Variants in BMP7 observed in about 807,000 individuals in gnomAD.
BMP7 encodes the protein osteogenic protein 1.
A neutral mutation model predicts 41.2 loss-of-function variants in BMP7; 12 were observed. The observed-to-expected ratio is 0.29, with a 90% CI of 0.19 to 0.47. The LOEUF (loss-of-function observed/expected upper bound fraction) is 0.47, where lower values mean the gene tolerates loss of function less well. BMP7 is among the 20% of genes least tolerant of loss of function. The pLI, the probability that BMP7 is intolerant of heterozygous loss-of-function variation, is 0.99. For missense variants in BMP7, 467 were observed against 606.0 expected (o/e 0.77, Z 2.41); for synonymous variants, 248 against 250.0 (o/e 0.99, Z 0.07).
intron 1 of BMP7, among the ~76,000 whole-genome samples, chr20:57,240,541 T>G (rs1276273439): frequency 6.6e-6 from 1 of 152,224 alleles, no homozygotes; most frequent in African/African-American, 2.4e-5. Context: ...TTTTTGGGTA[T>G]TTTCTCAGCA....
intron 1 of BMP7, among the ~76,000 whole-genome samples, chr20:57,235,441 A>G (rs2066043880): frequency 6.6e-6 from 1 of 152,206 alleles, no homozygotes; most frequent in Non-Finnish European, 1.5e-5. Flanking sequence ...GACTGTTTCC[A>G]TGTCAACAAT....
chr20:57,181,901 C>T (rs1600729383), intron 4 of BMP7, among the ~76,000 whole-genome samples: 2 of 152,360 alleles, frequency 1.3e-5, no homozygotes, highest in South Asian at 4.1e-4. Flanking sequence ...CAAGGGCAGT[C>T]GTAACTCCCC....
chr20:57,191,655 G>A (rs942389711), intron 3 of BMP7, among the ~76,000 whole-genome samples: 6 of 150,794 alleles, frequency 4.0e-5, no homozygotes, highest in East Asian at 1.9e-4. Context: ...GCTTGAACCC[G>A]GGAGACAGAG....
intron 2 of BMP7, among the ~76,000 whole-genome samples, chr20:57,223,572 C>T (rs1985241422): frequency 6.6e-6 from 1 of 152,242 alleles, no homozygotes; most frequent in Non-Finnish European, 1.5e-5. Context: ...TGAGCCCCAC[C>T]TCTGCCACTT....
intron 3 of BMP7, among the ~76,000 whole-genome samples, chr20:57,195,376 C>T (rs977875379): frequency 2.0e-5 from 3 of 152,188 alleles, no homozygotes; most frequent in Non-Finnish European, 4.4e-5. Flanking sequence ...CTGGGTGGAC[C>T]AAGGCCCAAG....
rs1983853854 is a variant in BMP7, at chr20:57,173,373, C to T, written c.1036-63G>A. On this transcript the variant is annotated intron_variant, in intron 5 of 6. Coordinates refer to ENST00000395863, the MANE Select transcript of BMP7 (RefSeq NM_001719.3). Reference sequence around the variant, plus strand: ...GGCCTGAGCCACAGCATCCCAACCCCCATGCTGGCCAGAAACCACCACGCC... The same window carrying T: ...GGCCTGAGCCACAGCATCCCAACCCTCATGCTGGCCAGAAACCACCACGCC... 9.3e-6 allele frequency: 14 copies of T among 1,497,940 alleles called. No individual in the cohort carries two copies. The South Asian group carries it at 1.4e-4, about 15-fold the overall frequency. The allele number at this position is 1,497,940 out of a possible 1,614,324, so 92.8% of individuals were successfully genotyped here. A position where few individuals can be genotyped will look rare whatever the true frequency, so the allele number is the denominator to read the frequency against.
intron 3 of BMP7, among the ~76,000 whole-genome samples, chr20:57,185,346 G>A (rs910779535): frequency 8.5e-5 from 13 of 152,172 alleles, no homozygotes; most frequent in East Asian, 3.8e-4. Flanking sequence ...GTGATGTCTC[G>A]AATAACAAGA....
At chr20:57,253,082 C>T (rs539144045) in intron 1 of BMP7, among the ~76,000 whole-genome samples, 9 of 152,224 alleles carry the variant, frequency 5.9e-5, no homozygotes, top group African/African-American at 2.2e-4. Context: ...ATTTCTGGGT[C>T]CCCCACCCCC....
chr20:57,198,987 G>A (rs927374419), intron 3 of BMP7, among the ~76,000 whole-genome samples: 3 of 152,202 alleles, frequency 2.0e-5, no homozygotes, highest in Non-Finnish European at 4.4e-5. Flanking sequence ...TGGTTGCAAG[G>A]TTCAGGTGAC....
In BMP7 at chr20:57,265,777, G is replaced by T; in HGVS notation, c.346C>A (p.Pro116Thr). The stretch of plus-strand genomic sequence containing the variant: ...CTATCTTGCAGGCTGGCCAGAGGGG[G>T]GCCCTGGGTACTGAAGACGGCCTTG... ...PYKAVFSTQG[P>T]PLASLQDSHF... Residue 116 changes from proline (P) to threonine (T), a missense_variant, in exon 1 of 7, where the codon CCC becomes ACC. Pro to Thr is a conservative substitution (Grantham distance 38, BLOSUM62 -1). This residue lies in a region of BMP7 where 407 missense variants were observed against 485.9 expected (regional missense o/e 0.84). Coordinates refer to ENST00000395863, the MANE Select transcript of BMP7 (RefSeq NM_001719.3). 2 of 1,610,796 alleles carry T rather than the reference G, an allele frequency of 1.2e-6. No homozygotes were observed. The highest frequency in any genetic ancestry group is 8.5e-7 in the Non-Finnish European group (1 of 1,178,774).
intron 3 of BMP7, among the ~76,000 whole-genome samples, chr20:57,192,816 T>G (rs1425731357): frequency 1.3e-5 from 2 of 152,100 alleles, no homozygotes; most frequent in East Asian, 3.8e-4. Context: ...ACATATAATG[T>G]TTGCAATACG....
At chr20:57,210,318 C>T (rs894449404) in intron 2 of BMP7, among the ~76,000 whole-genome samples, 2 of 152,198 alleles carry the variant, frequency 1.3e-5, no homozygotes, top group South Asian at 2.1e-4. Context: ...GGGAGCAGGA[C>T]GAGGAACCGC....
At chr20:57,219,517 T>C (rs1270655033) in intron 2 of BMP7, among the ~76,000 whole-genome samples, 2 of 152,236 alleles carry the variant, frequency 1.3e-5, no homozygotes, top group East Asian at 1.9e-4. Flanking sequence ...GGATGTGTCA[T>C]TGGCATCTGG....
chr20:57,254,546 G>A (rs1305223808), intron 1 of BMP7, among the ~76,000 whole-genome samples: 2 of 151,974 alleles, frequency 1.3e-5, no homozygotes, highest in Non-Finnish European at 1.5e-5. Context: ...GGTTGGGGGC[G>A]GGGGTGCCTA....
At chr20:57,258,935 G>A (rs567338230) in intron 1 of BMP7, among the ~76,000 whole-genome samples, 10 of 152,324 alleles carry the variant, frequency 6.6e-5, no homozygotes, top group African/African-American at 2.2e-4. Flanking sequence ...CCTACTAGGT[G>A]ACAGCCTCTG....
intron 3 of BMP7, among the ~76,000 whole-genome samples, chr20:57,192,825 C>G (rs181523891): frequency 2.0e-5 from 3 of 151,266 alleles, no homozygotes; most frequent in Non-Finnish European, 4.4e-5. Context: ...GTTTGCAATA[C>G]GAGGGACATG....
intron 1 of BMP7, among the ~76,000 whole-genome samples, chr20:57,235,318 G>A (rs1187468546): frequency 6.6e-6 from 1 of 152,196 alleles, no homozygotes; most frequent in Non-Finnish European, 1.5e-5. Context: ...AAGCTGTGCT[G>A]CAATGCATAC....
intron 3 of BMP7, among the ~76,000 whole-genome samples, chr20:57,200,567 C>A (rs230196): frequency 0.52 from 79,252 of 152,062 alleles, 20,979 homozygotes; most frequent in South Asian, 0.61. Context: ...GACAGAGAAG[C>A]ACAGAACCCA....
Position 57,219,040 on chromosome 20 carries a change from G to A in BMP7, c.611+9189C>T, listed in dbSNP as rs555049517. Among the ~76,000 whole-genome samples the A allele has an allele frequency of 4.0e-4, 60 of 150,140 alleles. 2 individuals carry two copies. Among genetic ancestry groups the A allele is most frequent in the African/African-American group, 1.0e-3 (40 of 40,042 alleles). ...TGGTGTTTGTTTGGTGGTAGCTGGCGTTCGGTGGTAGCTGGCATTTGTTTG... is the reference window on the plus strand; with the variant it reads ...TGGTGTTTGTTTGGTGGTAGCTGGCATTCGGTGGTAGCTGGCATTTGTTTG... On this transcript the variant is annotated intron_variant, in intron 2 of 6. Transcript: ENST00000395863.
Sources: gnomAD v4.1 joint callset for allele counts (sites outside exome capture counted in the v4.1 genomes callset) on GRCh38, gnomAD v4.1.1 for gene constraint, gnomAD v4.1.1 regional missense constraint, MANE v1.5 for transcripts, NCBI Gene and HGNC (gene_info 2026-07-23, HGNC 2026-07-21) for gene names.